DOCK10: variants seen among roughly 807,000 people sequenced by gnomAD.
The protein encoded by DOCK10 is dedicator of cytokinesis protein 10.
In DOCK10, 145 loss-of-function variants were observed where a neutral mutation model predicts 280.1. The ratio of observed to expected loss-of-function variants is 0.52; its 90% CI spans 0.45 to 0.59. DOCK10 has a LOEUF of 0.59. DOCK10 is among the 20% of genes least tolerant of loss of function. DOCK10 has a pLI of 0.00. For missense variants in DOCK10, 2,368 were observed against 2,651.7 expected (o/e 0.89, Z 2.35); for synonymous variants, 915 against 942.2 (o/e 0.97, Z 0.53).
chr2:224,932,517 A>G (rs1174726599), intron 1 of DOCK10, among the ~76,000 whole-genome samples: 2 of 152,120 alleles, frequency 1.3e-5, no homozygotes, highest in Non-Finnish European at 2.9e-5. Flanking sequence ...CAAAAACACA[A>G]TCTGCATCCT....
intron 1 of DOCK10, among the ~76,000 whole-genome samples, chr2:225,004,896 G>T (rs1706527470): frequency 6.6e-6 from 1 of 152,124 alleles, no homozygotes; most frequent in Non-Finnish European, 1.5e-5. Context: ...TCTATACTTG[G>T]CCCCCAAAGG....
At chr2:224,818,346 G>T (rs1310896402) in intron 29 of DOCK10, among the ~76,000 whole-genome samples, 1 of 149,754 alleles carries the variant, frequency 6.7e-6, no homozygotes, top group Non-Finnish European at 1.5e-5. Context: ...TGTCTCTGTC[G>T]TTAAGTGACG....
intron 55 of DOCK10, among the ~76,000 whole-genome samples, chr2:224,769,292 A>C (rs1242682615): frequency 6.6e-6 from 1 of 152,262 alleles, no homozygotes; most frequent in South Asian, 2.1e-4. Context: ...AACCGAAAAG[A>C]AGCAAGATGG....
intron 1 of DOCK10, among the ~76,000 whole-genome samples, chr2:224,957,505 T>C (rs542145751): frequency 1.3e-5 from 2 of 152,210 alleles, no homozygotes; most frequent in African/African-American, 4.8e-5. Flanking sequence ...CCCAATCTAG[T>C]CTAGAACTCC....
chr2:224,862,627 T>C (rs1697584367), intron 14 of DOCK10, 37 bp downstream of exon 14: 1 of 1,540,890 alleles, frequency 6.5e-7, no homozygotes. Flanking sequence ...CACCATTAAA[T>C]GTATTTCTAG....
intron 3 of DOCK10, among the ~76,000 whole-genome samples, chr2:224,911,447 T>C (rs1176726010): frequency 6.6e-6 from 1 of 152,218 alleles, no homozygotes; most frequent in Non-Finnish European, 1.5e-5. Flanking sequence ...TCTTGTGTTG[T>C]ATGGATCCAC....
chr2:224,986,233 C>T (rs952601699), intron 1 of DOCK10, among the ~76,000 whole-genome samples: 1 of 152,106 alleles, frequency 6.6e-6, no homozygotes, highest in Non-Finnish European at 1.5e-5. Flanking sequence ...CAAAGATGAG[C>T]TTAGATAAAA....
intron 1 of DOCK10, among the ~76,000 whole-genome samples, chr2:224,960,135 T>C (rs1258393211): frequency 6.6e-6 from 1 of 152,206 alleles, no homozygotes; most frequent in East Asian, 1.9e-4. Context: ...CCATGATTTA[T>C]ACCAAAGACA....
chr2:224,868,172 G>A (rs991255318), intron 11 of DOCK10, among the ~76,000 whole-genome samples: 9 of 152,124 alleles, frequency 5.9e-5, no homozygotes, highest in African/African-American at 2.2e-4. Context: ...GGATTGGGAA[G>A]TAGGGAAAAA....
At chr2:225,035,183 AT>A (rs1358202307) in intron 1 of DOCK10, among the ~76,000 whole-genome samples, 1 of 152,126 alleles carries the variant, frequency 6.6e-6, no homozygotes, top group Non-Finnish European at 1.5e-5. Flanking sequence ...ACTCCCATTC[AT>A]TAGAATCCCA....
chr2:224,804,798 T>C lies in DOCK10; in HGVS notation c.4162A>G (p.Ile1388Val). 2.0e-6 allele frequency: 3 copies of C among 1,507,316 alleles called. No individual in the cohort carries two copies. The highest frequency in any genetic ancestry group is 1.8e-6 in the Non-Finnish European group (2 of 1,127,508). 93.4% of individuals were successfully genotyped at this position (1,507,316 alleles called of 1,614,324 possible). A position where few individuals can be genotyped will look rare whatever the true frequency, so the allele number is the denominator to read the frequency against. The change falls in exon 38 of 56, where the codon ATA becomes GTA. Residue 1388 changes from isoleucine (I) to valine (V), a missense_variant. Ile to Val is a conservative substitution (Grantham distance 29, BLOSUM62 3). Transcript: ENST00000258390. Reference protein sequence around the residue: ...NFRYLGKRNIIRKIAAAFKFV... With the variant: ...NFRYLGKRNIVRKIAAAFKFV... ...ATTGGAATTTAAAATTAGTACCTTA[T>C]TATGTTGCGTTTTCCTAGGTATCTG...
At position 224,789,059 on chromosome 2, in the gene DOCK10, C is replaced by T. The variant is rs1305176129; in HGVS notation, c.5418+5G>A. ...TTACTGTACATGAGATAATTTTGGTCTAACCTCATTGTATGGTGTATCTTG... is the reference window on the plus strand; with the variant it reads ...TTACTGTACATGAGATAATTTTGGTTTAACCTCATTGTATGGTGTATCTTG... On this transcript the variant is annotated splice_donor_5th_base_variant and intron_variant, in intron 48 of 55. Transcript: ENST00000258390. The T allele has an allele frequency of 6.2e-7, 1 of 1,602,994 alleles. No individual in the cohort carries two copies. The highest frequency in any genetic ancestry group is 1.3e-5 in the African/African-American group (1 of 74,702).
In DOCK10 at chr2:224,806,243, T is replaced by A; in HGVS notation, c.3703-6A>T. Reference sequence around the variant, plus strand: ...CTTAGATCATCTCTAGACCCCTGTATTCAAAGTATAGTAAAGATTAATGGG... The same window carrying A: ...CTTAGATCATCTCTAGACCCCTGTAATCAAAGTATAGTAAAGATTAATGGG... On this transcript the variant is annotated splice_region_variant and splice_polypyrimidine_tract_variant and intron_variant, in intron 33 of 55. Coordinates refer to ENST00000258390, the MANE Select transcript of DOCK10 (RefSeq NM_014689.3). 1 of 1,541,872 alleles carries A rather than the reference T, an allele frequency of 6.5e-7. No homozygotes were observed. Among genetic ancestry groups the A allele is most frequent in the Non-Finnish European group, 8.9e-7 (1 of 1,122,882 alleles).
chr2:224,898,728 C>T (rs558514282), intron 3 of DOCK10, among the ~76,000 whole-genome samples: 5 of 152,186 alleles, frequency 3.3e-5, no homozygotes, highest in African/African-American at 9.6e-5. Flanking sequence ...AGGTGCCCGC[C>T]ACCACGCCGG....
intron 4 of DOCK10, chr2:224,893,772 C>A (rs943434930): frequency 3.0e-6 from 1 of 329,450 alleles, no homozygotes; most frequent in Non-Finnish European, 5.8e-6. Context: ...GCAGTCTCAG[C>A]AACTCATAAA....
Position 224,808,019 on chromosome 2 carries a change from T to G in DOCK10, c.3477A>C (p.Arg1159=). 1 of 1,612,862 alleles carries G rather than the reference T, an allele frequency of 6.2e-7. No homozygotes were observed. Among genetic ancestry groups the G allele is most frequent in the Non-Finnish European group, 8.5e-7 (1 of 1,179,362 alleles). The change falls in exon 32 of 56, where the codon CGA becomes CGC. Residue 1159 remains arginine, a synonymous_variant. Transcript: ENST00000258390. ...CTTCCTGCAGGGCAAAGCCAACTTC[T>G]CGGAGCAGAATTCCGATTAAGAAGT... is the stretch of plus-strand genomic sequence containing the variant. ...RKHFLIGILL[R]EVGFALQEDQ...
chr2:224,959,998 C>T (rs193271932), intron 1 of DOCK10, among the ~76,000 whole-genome samples: 142 of 152,272 alleles, frequency 9.3e-4, no homozygotes, highest in African/African-American at 3.3e-3. Flanking sequence ...CTATGGGGAA[C>T]ACCTCCTCTA....
At chr2:224,812,425 A>T (rs1343577375) in intron 31 of DOCK10, among the ~76,000 whole-genome samples, 2 of 152,110 alleles carry the variant, frequency 1.3e-5, no homozygotes, top group Non-Finnish European at 2.9e-5. Context: ...AATCATGTCA[A>T]CTGCAAACAG....
chr2:224,804,700 C>T (rs1297226518), intron 38 of DOCK10, 94 bp downstream of exon 38: 2 of 856,848 alleles, frequency 2.3e-6, no homozygotes, highest in Non-Finnish European at 3.5e-6. Flanking sequence ...TTTAAGATTT[C>T]TAATATATAT....
Sources: allele counts gnomAD v4.1 joint callset (sites outside exome capture counted in the v4.1 genomes callset), GRCh38; gene constraint gnomAD v4.1.1; transcripts MANE v1.5; gene names NCBI Gene and HGNC (gene_info 2026-07-23, HGNC 2026-07-21).